GLIPR1L1: variants seen among roughly 807,000 people sequenced by gnomAD.
The protein encoded by GLIPR1L1 is GLIPR1 like 1, also known as GLIPR1-like protein 1.
In GLIPR1L1, 26 loss-of-function variants were observed where a neutral mutation model predicts 29.9. The ratio of observed to expected loss-of-function variants is 0.87; its 90% CI spans 0.64 to 1.21. GLIPR1L1 has a LOEUF of 1.21. GLIPR1L1 is among the 50% of genes most tolerant of loss of function. The probability of loss-of-function intolerance (pLI) is 0.00; values close to 1 mark genes in which losing one functional copy is unlikely to be tolerated. For missense variants in GLIPR1L1, 305 were observed against 290.3 expected, an observed-to-expected ratio of 1.05 and a Z score of -0.37; for synonymous variants, 77 against 97.5, an observed-to-expected ratio of 0.79 and a Z score of 1.24.
chr12:75,341,304 A>C (rs1380101897), intron 1 of GLIPR1L1, among the ~76,000 whole-genome samples: 1 of 152,226 alleles, frequency 6.6e-6, no homozygotes, highest in Non-Finnish European at 1.5e-5. Flanking sequence ...ATACCATGGA[A>C]TATGACTTGG....
At chr12:75,348,514 T>C (rs2042598443) in intron 3 of GLIPR1L1, among the ~76,000 whole-genome samples, 1 of 152,208 alleles carries the variant, frequency 6.6e-6, no homozygotes, top group Non-Finnish European at 1.5e-5. Flanking sequence ...AGAGAAATTA[T>C]AAAACTACTG....
chr12:75,368,065 T>C (rs1028064970), intron 4 of GLIPR1L1, among the ~76,000 whole-genome samples: 1 of 152,070 alleles, frequency 6.6e-6, no homozygotes, highest in African/African-American at 2.4e-5. Context: ...CCTTTTAATG[T>C]CTTAATATTG....
rs1241844641 is a variant in GLIPR1L1, at chr12:75,334,829, T to C, written c.101T>C (p.Ile34Thr). 3 of 1,613,988 alleles carry C rather than the reference T, an allele frequency of 1.9e-6. No individual in the cohort carries two copies. Among genetic ancestry groups the C allele is most frequent in the Admixed American group, 1.7e-5 (1 of 59,998 alleles). The part of the protein sequence containing the change: ...KIPSITDPHF[I>T]DNCIEAHNEW... ...CCATCCATCACTGACCCACACTTTA[T>C]AGACAACTGCATAGAAGCCCACAAC... is the stretch of plus-strand genomic sequence containing the variant. The change falls in exon 1 of 6, where the codon ATA becomes ACA. Residue 34 changes from isoleucine to threonine, a missense_variant. By Grantham distance (89) the Ile-to-Thr change is moderately conservative. Transcript: ENST00000378695.
chr12:75,348,014 C>T (rs1389833302), intron 3 of GLIPR1L1, among the ~76,000 whole-genome samples: 1 of 151,784 alleles, frequency 6.6e-6, no homozygotes, highest in Non-Finnish European at 1.5e-5. Context: ...TATATAAATA[C>T]TGAAACACAA....
chr12:75,353,708 A>C (rs1212758313), intron 3 of GLIPR1L1, among the ~76,000 whole-genome samples: 1 of 152,178 alleles, frequency 6.6e-6, no homozygotes, highest in Non-Finnish European at 1.5e-5. Flanking sequence ...CTTCAGGCCA[A>C]TATCCCTGAT....
chr12:75,356,805 T>C (rs573836167), intron 3 of GLIPR1L1, among the ~76,000 whole-genome samples: 2 of 152,150 alleles, frequency 1.3e-5, no homozygotes, highest in Non-Finnish European at 2.9e-5. Flanking sequence ...TGAAAAACTT[T>C]AGGATTCTTT....
chr12:75,340,947 T>C (rs142227858), intron 1 of GLIPR1L1, among the ~76,000 whole-genome samples: 203 of 151,812 alleles, frequency 1.3e-3, no homozygotes, highest in South Asian at 5.2e-3. Context: ...GGTGAAGATA[T>C]GGAGAAAATT....
chr12:75,360,088 G>A (rs1211758131), intron 3 of GLIPR1L1: 1 of 152,078 alleles, frequency 6.6e-6, no homozygotes, highest in Non-Finnish European at 1.5e-5. Context: ...ACAGCATGGG[G>A]GAAACTGCCC....
intron 3 of GLIPR1L1, chr12:75,360,335 G>A (rs141397877): frequency 1.4e-3 from 219 of 152,236 alleles, no homozygotes; most frequent in African/African-American, 4.9e-3. Context: ...ATAATCCAAA[G>A]TCTCATCTGA....
intron 3 of GLIPR1L1, among the ~76,000 whole-genome samples, chr12:75,349,297 T>A (rs1430072040): frequency 6.6e-6 from 1 of 152,078 alleles, no homozygotes; most frequent in Admixed American, 6.6e-5. Flanking sequence ...TTTGACTGTA[T>A]CCCACATAAG....
At chr12:75,341,603 C>T (rs951368191) in intron 1 of GLIPR1L1, among the ~76,000 whole-genome samples, 7 of 152,006 alleles carry the variant, frequency 4.6e-5, no homozygotes, top group Non-Finnish European at 8.8e-5. Flanking sequence ...CCCGCCACCA[C>T]GCCCGCAGAA....
chr12:75,366,892 G>A (rs1040383103), intron 4 of GLIPR1L1: 32 of 701,550 alleles, frequency 4.6e-5, no homozygotes, highest in African/African-American at 4.4e-4. Context: ...AGGGTTCCCT[G>A]TAGGGCCACT....
chr12:75,368,267 C>T (rs2044122040), intron 4 of GLIPR1L1, among the ~76,000 whole-genome samples: 1 of 148,308 alleles, frequency 6.7e-6, no homozygotes, highest in South Asian at 2.1e-4. Context: ...CAATTTTTTG[C>T]ATTTATTTTT....
chr12:75,365,945 A>T (rs1383111824), intron 4 of GLIPR1L1, among the ~76,000 whole-genome samples: 1 of 152,176 alleles, frequency 6.6e-6, no homozygotes, highest in Non-Finnish European at 1.5e-5. Context: ...TTATAGTTTT[A>T]TAACCCTTAT....
Position 75,334,819 on chromosome 12 carries a change from C to T in GLIPR1L1, c.91C>T (p.Pro31Ser), listed in dbSNP as rs2041605265. ...TSSKIPSITD[P>S]HFIDNCIEAH... ...TTCCAAAATCCCATCCATCACTGAC[C>T]CACACTTTATAGACAACTGCATAGA... is the stretch of plus-strand genomic sequence containing the variant. The change falls in exon 1 of 6, where the codon CCA becomes TCA. Residue 31 changes from proline to serine, a missense_variant. Coordinates refer to ENST00000378695, the MANE Select transcript of GLIPR1L1 (RefSeq NM_001304964.2). The T allele has an allele frequency of 1.2e-6, 2 of 1,614,068 alleles. No homozygotes were observed. The highest frequency in any genetic ancestry group is 1.6e-4 in the Middle Eastern group (1 of 6,062).
chr12:75,341,663 G>A (rs1043034905), intron 1 of GLIPR1L1, among the ~76,000 whole-genome samples: 6 of 151,642 alleles, frequency 4.0e-5, no homozygotes, highest in Non-Finnish European at 5.9e-5. Context: ...AGCCAGGACG[G>A]TCACGATCTC....
chr12:75,353,573 G>A (rs951638119), intron 3 of GLIPR1L1, among the ~76,000 whole-genome samples: 2 of 152,166 alleles, frequency 1.3e-5, no homozygotes, highest in African/African-American at 4.8e-5. Flanking sequence ...AGAACAAAGA[G>A]GAGCTGATAC....
chr12:75,339,957 T>G (rs190192360), intron 1 of GLIPR1L1, among the ~76,000 whole-genome samples: 1 of 152,140 alleles, frequency 6.6e-6, no homozygotes, highest in African/African-American at 2.4e-5. Context: ...ATCATTCTTA[T>G]GTCCTCATAG....
In GLIPR1L1 at chr12:75,370,238, T is replaced by C; in HGVS notation, c.*62T>C. Reference sequence around the variant, plus strand: ...AATAAAGGAATAGTTTATTGCTTAATATAACTTATCATCACTTTGCTTCTT... The same window carrying C: ...AATAAAGGAATAGTTTATTGCTTAACATAACTTATCATCACTTTGCTTCTT... On this transcript the variant is annotated 3_prime_UTR_variant, in exon 6 of 6. Coordinates refer to ENST00000378695, the MANE Select transcript of GLIPR1L1 (RefSeq NM_001304964.2). 4.7e-6 allele frequency: 4 copies of C among 854,050 alleles called. No homozygotes were observed. Among genetic ancestry groups the C allele is most frequent in the Non-Finnish European group, 7.7e-6 (4 of 517,292 alleles). The allele number at this position is 854,050 out of a possible 1,614,324, so 52.9% of individuals were successfully genotyped here.
Sources: gnomAD v4.1 joint callset for allele counts (sites outside exome capture counted in the v4.1 genomes callset) on GRCh38, gnomAD v4.1.1 for gene constraint, MANE v1.5 for transcripts, NCBI Gene and HGNC (gene_info 2026-07-23, HGNC 2026-07-21) for gene names.